CNTNAP2: variants seen among roughly 807,000 people sequenced by gnomAD.
CNTNAP2 encodes contactin-associated protein-like 2.
Under a neutral mutation model 155.2 loss-of-function variants are expected in CNTNAP2, and 98 were observed. That is an observed-to-expected ratio of 0.63 (90% CI 0.54 to 0.75). The LOEUF (loss-of-function observed/expected upper bound fraction) is 0.75, where lower values mean the gene tolerates loss of function less well. Among genes scored for constraint, CNTNAP2 ranks in the 30% least tolerant of loss-of-function variants. The pLI is 0.00. For missense variants in CNTNAP2, 1,727 were observed against 1,688.1 expected (o/e 1.02, Z -0.40); for synonymous variants, 651 against 631.2 (o/e 1.03, Z -0.47).
At chr7:147,829,049 C>T (rs899175546) in intron 13 of CNTNAP2, among the ~76,000 whole-genome samples, 1 of 152,146 alleles carries the variant, frequency 6.6e-6, no homozygotes, top group African/African-American at 2.4e-5. Flanking sequence ...TGGCAAGTTC[C>T]CCATTTCCCC....
chr7:148,062,038 T>A (rs866544387), intron 15 of CNTNAP2, among the ~76,000 whole-genome samples: 3,216 of 113,098 alleles, frequency 0.028, 123 homozygotes, highest in East Asian at 0.068. Context: ...AGTGTGTGTG[T>A]GTGTGTGTGT....
intron 13 of CNTNAP2, among the ~76,000 whole-genome samples, chr7:147,649,905 A>C (rs1245109385): frequency 6.6e-6 from 1 of 152,100 alleles, no homozygotes; most frequent in Non-Finnish European, 1.5e-5. Context: ...GTGAAGGATA[A>C]AATAATGTAA....
At chr7:147,189,149 A>G (rs1802628323) in intron 8 of CNTNAP2, among the ~76,000 whole-genome samples, 2 of 152,150 alleles carry the variant, frequency 1.3e-5, no homozygotes, top group Admixed American at 1.3e-4. Context: ...GTTATGTGAA[A>G]TTTCTCTCCT....
chr7:146,880,055 A>G (rs1415959827), intron 3 of CNTNAP2, among the ~76,000 whole-genome samples: 1 of 152,100 alleles, frequency 6.6e-6, no homozygotes, highest in African/African-American at 2.4e-5. Flanking sequence ...CCATGATTCA[A>G]TTATTTCCCA....
At chr7:147,912,614 C>A (rs920642757) in intron 14 of CNTNAP2, among the ~76,000 whole-genome samples, 2 of 152,216 alleles carry the variant, frequency 1.3e-5, no homozygotes. Context: ...AATAGCCACT[C>A]TTCAAATCCA....
chr7:146,299,614 A>G (rs1428797909), intron 1 of CNTNAP2, among the ~76,000 whole-genome samples: 1 of 151,822 alleles, frequency 6.6e-6, no homozygotes, highest in South Asian at 2.1e-4. Flanking sequence ...GTTGTCCAGG[A>G]TGGTCACCAA....
intron 11 of CNTNAP2, among the ~76,000 whole-genome samples, chr7:147,506,499 C>T (rs896043578): frequency 3.9e-5 from 6 of 152,202 alleles, no homozygotes; most frequent in African/African-American, 1.4e-4. Flanking sequence ...AGGCAATCCA[C>T]CTGCCTCGGC....
chr7:147,488,180 A>G (rs1331073169), intron 11 of CNTNAP2, among the ~76,000 whole-genome samples: 1 of 152,244 alleles, frequency 6.6e-6, no homozygotes, highest in Admixed American at 6.5e-5. Context: ...CACAAATGTA[A>G]GAAGATACAA....
intron 1 of CNTNAP2, among the ~76,000 whole-genome samples, chr7:146,246,934 G>T (rs1216676544): frequency 2.6e-5 from 4 of 152,178 alleles, no homozygotes; most frequent in East Asian, 3.9e-4. Context: ...TGTGGCTGGG[G>T]TTTGTCTCAC....
chr7:147,028,627 G>A (rs1045076705), intron 3 of CNTNAP2, among the ~76,000 whole-genome samples: 1 of 152,148 alleles, frequency 6.6e-6, no homozygotes, highest in Non-Finnish European at 1.5e-5. Context: ...GTAGACTGTG[G>A]CTAGACCACA....
At chr7:146,765,922 TGA>T (rs1326185501) in intron 1 of CNTNAP2, among the ~76,000 whole-genome samples, 2 of 151,738 alleles carry the variant, frequency 1.3e-5, no homozygotes, top group Non-Finnish European at 2.9e-5. Context: ...TTGGTGTGTA[TGA>T]GAGAGAGAGG....
chr7:147,045,877 C>CAT lies in CNTNAP2; in HGVS notation c.550+1837_550+1838dup, dbSNP rs1488152460. Reference sequence around the variant, plus strand: ...ACATACACACACACACATATACGTGCATATATATATATATAATCCTTCATG... The same window carrying CAT: ...ACATACACACACACACATATACGTGCATATATATATATATATAATCCTTCATG... On this transcript the variant is annotated intron_variant, in intron 4 of 23. Transcript: ENST00000361727. 1.9e-3 allele frequency among the ~76,000 whole-genome samples: 278 copies of CAT among 148,578 alleles called. 4 individuals are homozygous for CAT. The highest frequency in any genetic ancestry group is 5.0e-3 in the African/African-American group (200 of 39,814).
At chr7:146,852,675 A>G (rs1794900461) in intron 3 of CNTNAP2, among the ~76,000 whole-genome samples, 1 of 152,206 alleles carries the variant, frequency 6.6e-6, no homozygotes, top group Non-Finnish European at 1.5e-5. Flanking sequence ...ATCAGCAAAG[A>G]AAAGAGCTCG....
chr7:147,404,324 G>T lies in CNTNAP2; in HGVS notation c.1670+8544G>T, dbSNP rs143442555. On this transcript the variant is annotated intron_variant, in intron 10 of 23. Coordinates refer to ENST00000361727, the MANE Select transcript of CNTNAP2 (RefSeq NM_014141.6). ...AAGCAATTTTTCATAAGTGAAACTG[G>T]ATTTCCTTTTAGAGACTGTGCTTCG... Among the ~76,000 whole-genome samples, 381 of 152,248 alleles carry T rather than the reference G, an allele frequency of 2.5e-3. 2 individuals are homozygous for T. The highest frequency in any genetic ancestry group is 0.022 in the Admixed American group (338 of 15,292).
intron 13 of CNTNAP2, among the ~76,000 whole-genome samples, chr7:147,760,365 A>G (rs149223748): frequency 4.6e-5 from 7 of 152,240 alleles, no homozygotes; most frequent in Non-Finnish European, 7.3e-5. Flanking sequence ...ATTTGGGAGT[A>G]TTGCTCCCTC....
At chr7:147,406,969 T>A (rs1156798129) in intron 10 of CNTNAP2, among the ~76,000 whole-genome samples, 1 of 152,198 alleles carries the variant, frequency 6.6e-6, no homozygotes, top group Non-Finnish European at 1.5e-5. Context: ...ACTTTTACTG[T>A]GATAGTTTCA....
intron 1 of CNTNAP2, among the ~76,000 whole-genome samples, chr7:146,661,376 A>G (rs1450708551): frequency 6.6e-6 from 1 of 152,068 alleles, no homozygotes; most frequent in Non-Finnish European, 1.5e-5. Context: ...TGGCAAAGGT[A>G]TGCAGTCATG....
intron 1 of CNTNAP2, among the ~76,000 whole-genome samples, chr7:146,644,868 C>T (rs1799783003): frequency 6.6e-6 from 1 of 151,970 alleles, no homozygotes; most frequent in South Asian, 2.1e-4. Context: ...GAGTCCAGGA[C>T]CAGATGGATT....
chr7:147,814,356 C>CT (rs1375085700), intron 13 of CNTNAP2, among the ~76,000 whole-genome samples: 1 of 152,108 alleles, frequency 6.6e-6, no homozygotes, highest in African/African-American at 2.4e-5. Flanking sequence ...CTTTTCTGGT[C>CT]TTTTTTGCCT....
Sources: allele counts gnomAD v4.1 joint callset (sites outside exome capture counted in the v4.1 genomes callset), GRCh38; gene constraint gnomAD v4.1.1; transcripts MANE v1.5; gene names NCBI Gene and HGNC (gene_info 2026-07-23, HGNC 2026-07-21).